SLC25A21: variants seen among roughly 807,000 people sequenced by gnomAD.
SLC25A21 encodes the protein mitochondrial 2-oxodicarboxylate carrier.
Under a neutral mutation model 43.8 loss-of-function variants are expected in SLC25A21, and 47 were observed. The ratio of observed to expected loss-of-function variants is 1.07; its 90% CI spans 0.85 to 1.37. SLC25A21 has a LOEUF of 1.37. SLC25A21 is among the 40% of genes most tolerant of loss of function. SLC25A21 has a pLI of 0.00. For missense variants in SLC25A21, 352 were observed against 350.2 expected, an observed-to-expected ratio of 1.00 and a Z score of -0.04; for synonymous variants, 131 against 121.3, an observed-to-expected ratio of 1.08 and a Z score of -0.52.
At chr14:36,895,813 G>C (rs1372513865) in intron 1 of SLC25A21, among the ~76,000 whole-genome samples, 1 of 152,184 alleles carries the variant, frequency 6.6e-6, no homozygotes, top group Non-Finnish European at 1.5e-5. Context: ...TAGTCATTCA[G>C]GAGCAAGTTG....
At chr14:36,934,271 A>G (rs1315142178) in intron 1 of SLC25A21, among the ~76,000 whole-genome samples, 5 of 152,086 alleles carry the variant, frequency 3.3e-5, no homozygotes, top group Non-Finnish European at 1.5e-5. Flanking sequence ...ACTATAATCC[A>G]GGCGACCTCA....
Position 36,842,862 on chromosome 14 carries a change from T to C in SLC25A21, c.120-28861A>G, listed in dbSNP as rs201632309. Among the ~76,000 whole-genome samples the C allele has an allele frequency of 7.9e-5, 12 of 152,078 alleles. No individual in the cohort carries two copies. In the East Asian group the frequency reaches 2.3e-3, roughly 30 times the overall value. ...TGTCTATGGCAGCGGTCCCAAAACT[T>C]TGTGGCACCAGAGACTGATTTCGTG... On this transcript the variant is annotated intron_variant, in intron 2 of 9. Coordinates refer to ENST00000331299, the MANE Select transcript of SLC25A21 (RefSeq NM_030631.4).
intron 1 of SLC25A21, among the ~76,000 whole-genome samples, chr14:37,053,802 G>A (rs1366581327): frequency 6.6e-6 from 1 of 152,136 alleles, no homozygotes; most frequent in African/African-American, 2.4e-5. Flanking sequence ...AGATTCAGAA[G>A]TCAACTAAAG....
At chr14:36,723,888 T>C (rs926206913) in intron 6 of SLC25A21, among the ~76,000 whole-genome samples, 1 of 152,100 alleles carries the variant, frequency 6.6e-6, no homozygotes, top group Non-Finnish European at 1.5e-5. Flanking sequence ...TGTTTATTCC[T>C]TTGCCTACTC....
At chr14:36,976,538 T>TAAA (rs144851170) in intron 1 of SLC25A21, among the ~76,000 whole-genome samples, 3 of 150,536 alleles carry the variant, frequency 2.0e-5, no homozygotes, top group African/African-American at 7.3e-5. Context: ...GGCCTGTAGA[T>TAAA]AAAAAAAAAC....
intron 7 of SLC25A21, among the ~76,000 whole-genome samples, chr14:36,689,345 A>C (rs530247563): frequency 6.6e-6 from 1 of 152,310 alleles, no homozygotes; most frequent in Admixed American, 6.5e-5. Flanking sequence ...GAACTTTAAG[A>C]TGAGATTTGG....
intron 1 of SLC25A21, among the ~76,000 whole-genome samples, chr14:36,895,368 T>C (rs1891208421): frequency 6.6e-6 from 1 of 152,248 alleles, no homozygotes; most frequent in Non-Finnish European, 1.5e-5. Flanking sequence ...TTTGTATTTC[T>C]GTGGGATCAG....
chr14:36,855,463 TACA>T (rs1043133424), intron 2 of SLC25A21, among the ~76,000 whole-genome samples: 1 of 152,098 alleles, frequency 6.6e-6, no homozygotes, highest in African/African-American at 2.4e-5. Context: ...GGAGAAGGCT[TACA>T]ACAATACACC....
rs374472253 is a variant in SLC25A21, at chr14:37,135,816, G to A, written c.70+36465C>T. ...GCTGCCACTGACAACATCAGCATGC[G>A]TTACGTGACCTCCTCAGTTTCCTAA... On this transcript the variant is annotated intron_variant, in intron 1 of 9. Coordinates refer to ENST00000331299, the MANE Select transcript of SLC25A21 (RefSeq NM_030631.4). Among the ~76,000 whole-genome samples, 12 of 152,190 alleles carry A rather than the reference G, an allele frequency of 7.9e-5. No individual in the cohort carries two copies. In the East Asian group the frequency reaches 1.3e-3, roughly 17 times the overall value.
intron 1 of SLC25A21, among the ~76,000 whole-genome samples, chr14:37,150,174 T>C (rs1304307122): frequency 6.6e-6 from 1 of 152,190 alleles, no homozygotes; most frequent in African/African-American, 2.4e-5. Flanking sequence ...CTGTAGCTCC[T>C]GTTTAGAGAT....
intron 2 of SLC25A21, among the ~76,000 whole-genome samples, chr14:36,817,860 T>C (rs771519050): frequency 6.6e-5 from 10 of 152,232 alleles, no homozygotes; most frequent in Non-Finnish European, 1.3e-4. Context: ...TGCAAACGTG[T>C]ATACAGAGTA....
chr14:37,037,173 A>C (rs1961345571), intron 1 of SLC25A21, among the ~76,000 whole-genome samples: 1 of 152,184 alleles, frequency 6.6e-6, no homozygotes. Context: ...GTTATTTCTA[A>C]ATTTTCACAC....
chr14:36,921,288 C>T (rs1404517980), intron 1 of SLC25A21, among the ~76,000 whole-genome samples: 3 of 152,098 alleles, frequency 2.0e-5, no homozygotes, highest in African/African-American at 7.2e-5. Context: ...TATGATTTTA[C>T]ACTGAAGAGT....
At chr14:36,944,186 C>G (rs1267038378) in intron 1 of SLC25A21, among the ~76,000 whole-genome samples, 1 of 152,170 alleles carries the variant, frequency 6.6e-6, no homozygotes, top group Non-Finnish European at 1.5e-5. Flanking sequence ...AAGGTCATAT[C>G]CTGAATCCTG....
chr14:36,772,442 C>T (rs1231293563), intron 3 of SLC25A21, among the ~76,000 whole-genome samples: 1 of 152,186 alleles, frequency 6.6e-6, no homozygotes, highest in African/African-American at 2.4e-5. Flanking sequence ...TCTCTTCCCA[C>T]ACCAAGTCAA....
chr14:37,046,898 C>G (rs1475560614), intron 1 of SLC25A21, among the ~76,000 whole-genome samples: 1 of 152,164 alleles, frequency 6.6e-6, no homozygotes, highest in Non-Finnish European at 1.5e-5. Context: ...CCCCTGGTTC[C>G]TTCTCCCCAA....
At chr14:36,817,483 C>T (rs1210751936) in intron 2 of SLC25A21, among the ~76,000 whole-genome samples, 1 of 152,128 alleles carries the variant, frequency 6.6e-6, no homozygotes, top group South Asian at 2.1e-4. Context: ...CCGCCTACCC[C>T]GTTTCCTTTG....
intron 1 of SLC25A21, among the ~76,000 whole-genome samples, chr14:36,885,617 G>T (rs1479612563): frequency 6.6e-6 from 1 of 152,094 alleles, no homozygotes; most frequent in African/African-American, 2.4e-5. Flanking sequence ...CCATTTACTT[G>T]TATTGTCTTC....
At position 36,802,582 on chromosome 14, in the gene SLC25A21, G is replaced by C. The variant is rs919850569; in HGVS notation, c.203+11336C>G. 3.3e-5 allele frequency among the ~76,000 whole-genome samples: 5 copies of C among 152,166 alleles called. No homozygotes were observed. In the East Asian group the frequency reaches 5.8e-4, roughly 18 times the overall value. Reference sequence around the variant, plus strand: ...TCCAAGGTCCCAAAACTTCCAAGTGGAATTCTAATCCAGGTCTCTTTGAAC... The same window carrying C: ...TCCAAGGTCCCAAAACTTCCAAGTGCAATTCTAATCCAGGTCTCTTTGAAC... On this transcript the variant is annotated intron_variant, in intron 3 of 9. Transcript: ENST00000331299.
Sources: allele counts gnomAD v4.1 joint callset (sites outside exome capture counted in the v4.1 genomes callset), GRCh38; gene constraint gnomAD v4.1.1; transcripts MANE v1.5; gene names NCBI Gene and HGNC (gene_info 2026-07-23, HGNC 2026-07-21).